The following GLMN variants were observed in gnomAD, a reference collection of about 807,000 sequenced individuals.
The protein encoded by GLMN is glomulin.
In GLMN, 75 loss-of-function variants were observed where a neutral mutation model predicts 87.8. The ratio of observed to expected loss-of-function variants is 0.85; its 90% CI spans 0.71 to 1.04. The LOEUF is 1.04. Among genes scored for constraint, GLMN ranks in the 50% least tolerant of loss-of-function variants. The pLI is 0.00. For missense variants in GLMN, 588 were observed against 658.8 expected, an observed-to-expected ratio of 0.89 and a Z score of 1.18; for synonymous variants, 206 against 221.6, an observed-to-expected ratio of 0.93 and a Z score of 0.63.
chr1:92,266,878 T>G, intron 11 of GLMN, 137 bp from the exon 12 acceptor site: 1 of 632,180 alleles, frequency 1.6e-6, no homozygotes, highest in Non-Finnish European at 2.8e-6. Flanking sequence ...AAATTAATTT[T>G]TCCCTAAGCC....
chr1:92,253,683 C>CTGTT (rs1293662309), intron 16 of GLMN, among the ~76,000 whole-genome samples: 6 of 152,172 alleles, frequency 3.9e-5, no homozygotes, highest in African/African-American at 7.2e-5. Flanking sequence ...AGGGGCCTGA[C>CTGTT]TGTTAGAAGG....
chr1:92,299,074 A>G (rs1242428174), upstream of GLMN: 12 of 1,499,304 alleles, frequency 8.0e-6, no homozygotes, highest in Admixed American at 2.1e-5. Flanking sequence ...ACTCTCCCCC[A>G]TGGCGGACTT....
chr1:92,364,004 C>T, the GLMN span, among the ~76,000 whole-genome samples: 1 of 152,074 alleles, frequency 6.6e-6, no homozygotes, highest in Non-Finnish European at 1.5e-5. Context: ...AGATTTTCAA[C>T]TGCATGGGGG....
the GLMN span, among the ~76,000 whole-genome samples, chr1:92,330,125 T>C: frequency 3.9e-5 from 6 of 152,172 alleles, no homozygotes; most frequent in Non-Finnish European, 7.4e-5. Flanking sequence ...TTATTCTTCA[T>C]TGGCAAAACT....
the GLMN span, among the ~76,000 whole-genome samples, chr1:92,370,371 A>C: frequency 6.6e-6 from 1 of 152,226 alleles, no homozygotes; most frequent in African/African-American, 2.4e-5. Flanking sequence ...GTCAGATGGC[A>C]TCTATAAGGA....
At chr1:92,287,580 A>G (rs187524504) in intron 6 of GLMN, among the ~76,000 whole-genome samples, 1 of 152,226 alleles carries the variant, frequency 6.6e-6, no homozygotes, top group East Asian at 1.9e-4. Context: ...AGCTCAAGCA[A>G]TCTCCCAGCT....
At chr1:92,258,481 T>C (rs945812817) in intron 16 of GLMN, among the ~76,000 whole-genome samples, 1 of 152,142 alleles carries the variant, frequency 6.6e-6, no homozygotes, top group African/African-American at 2.4e-5. Flanking sequence ...CTATTCACAA[T>C]AGCAAAGACT....
the GLMN span, among the ~76,000 whole-genome samples, chr1:92,346,199 T>C: frequency 6.6e-6 from 1 of 152,060 alleles, no homozygotes; most frequent in South Asian, 2.1e-4. Context: ...GGTCTCGCTC[T>C]GTTGCCCATG....
At chr1:92,294,351 A>C (rs1178585342) in intron 3 of GLMN, among the ~76,000 whole-genome samples, 1 of 152,162 alleles carries the variant, frequency 6.6e-6, no homozygotes, top group Non-Finnish European at 1.5e-5. Context: ...AATAGAGTAT[A>C]CGATACAGTA....
upstream of GLMN, chr1:92,300,169 G>T: frequency 6.4e-7 from 1 of 1,559,850 alleles, no homozygotes; most frequent in Non-Finnish European, 8.8e-7. Flanking sequence ...TCATTATGTA[G>T]CACATGACTG....
chr1:92,363,923 G>T, the GLMN span, among the ~76,000 whole-genome samples: 2 of 152,002 alleles, frequency 1.3e-5, no homozygotes, highest in African/African-American at 4.8e-5. Flanking sequence ...GACTGCTTAT[G>T]TTGTCTCTAA....
the GLMN span, among the ~76,000 whole-genome samples, chr1:92,349,591 TCTC>T: frequency 1.9e-3 from 282 of 152,318 alleles, no homozygotes; most frequent in African/African-American, 6.4e-3. Context: ...TAAGCCATCT[TCTC>T]CTGGTGACTT....
At chr1:92,301,164 A>G (rs1423790572), upstream of GLMN, among the ~76,000 whole-genome samples, 2 of 152,150 alleles carry the variant, frequency 1.3e-5, no homozygotes, top group African/African-American at 4.8e-5. Context: ...TTTGAAAAGT[A>G]TTGGATCAAA....
chr1:92,305,962 A>G, the GLMN span, among the ~76,000 whole-genome samples: 2 of 152,146 alleles, frequency 1.3e-5, no homozygotes, highest in African/African-American at 4.8e-5. Flanking sequence ...ATTCTTACAC[A>G]TGTACACCAG....
At chr1:92,256,368 A>C (rs1219653745) in intron 16 of GLMN, among the ~76,000 whole-genome samples, 3 of 152,204 alleles carry the variant, frequency 2.0e-5, no homozygotes, top group Admixed American at 1.3e-4. Flanking sequence ...TTTCCAAACA[A>C]TAGAAAAAGA....
At chr1:92,294,460 A>G (rs1400896418) in intron 3 of GLMN, among the ~76,000 whole-genome samples, 1 of 152,218 alleles carries the variant, frequency 6.6e-6, no homozygotes, top group Non-Finnish European at 1.5e-5. Flanking sequence ...CTATACATGC[A>G]TATCTGTGAC....
the GLMN span, among the ~76,000 whole-genome samples, chr1:92,365,425 T>C: frequency 6.6e-6 from 1 of 152,194 alleles, no homozygotes; most frequent in African/African-American, 2.4e-5. Context: ...TTCAAAGATT[T>C]TGATTCATTG....
chr1:92,291,575 T>C (rs771046104), intron 3 of GLMN, 38 bp from the exon 4 acceptor site: 3 of 1,603,120 alleles, frequency 1.9e-6, no homozygotes, highest in Middle Eastern at 1.7e-4. Context: ...AACACTGCCA[T>C]CTATAGGACT....
In GLMN at chr1:92,279,941, G is replaced by GTA. The variant is rs528242279; in HGVS notation, c.735+6547_735+6548dup. 6.6e-5 allele frequency among the ~76,000 whole-genome samples: 10 copies of GTA among 152,352 alleles called. No individual in the cohort carries two copies. The South Asian group carries it at 2.1e-3, about 32-fold the overall frequency. ...TGCTGAGGCTTGAGTAGCTCACAGT[G>GTA]TAAACAAAGAGGCCTGGAAGCACAA... On this transcript the variant is annotated intron_variant, in intron 7 of 18. Coordinates refer to ENST00000370360, the MANE Select transcript of GLMN (RefSeq NM_053274.3).
Sources: gnomAD v4.1 joint callset for allele counts (sites outside exome capture counted in the v4.1 genomes callset) on GRCh38, gnomAD v4.1.1 for gene constraint, MANE v1.5 for transcripts, NCBI Gene and HGNC (gene_info 2026-07-23, HGNC 2026-07-21) for gene names.